The following NPFFR2 variants were observed in gnomAD, a reference collection of about 807,000 sequenced individuals.
NPFFR2 encodes the protein neuropeptide FF receptor 2.
Under a neutral mutation model 13.1 loss-of-function variants are expected in NPFFR2, and 15 were observed. The ratio of observed to expected loss-of-function variants is 1.15; its 90% CI spans 0.77 to 1.76. The LOEUF is 1.76. NPFFR2 is among the 40% of genes most tolerant of loss of function. The pLI is 0.00. For synonymous variants in NPFFR2, 190 were observed against 175.7 expected (o/e 1.08, Z -0.65); for missense variants, 572 against 503.5 (o/e 1.14, Z -1.30).
At position 72,090,029 on chromosome 4, in the gene NPFFR2, T is replaced by G. The variant is rs28769366; in HGVS notation, c.-7-38556T>G. On this transcript the variant is annotated intron_variant, in intron 1 of 3. Coordinates refer to ENST00000308744, the MANE Select transcript of NPFFR2 (RefSeq NM_004885.3). ...GTGAGAGATGAGGATCCAGTTTCAT[T>G]CTTCTACATGTGGCTTGCCAATTAT... Among the ~76,000 whole-genome samples, 1,221 of 152,234 alleles carry G rather than the reference T, an allele frequency of 8.0e-3. 8 individuals carry two copies. Among genetic ancestry groups the G allele is most frequent in the African/African-American group, 0.017 (710 of 41,564 alleles).
intron 2 of NPFFR2, among the ~76,000 whole-genome samples, chr4:72,135,663 G>T (rs999741673): frequency 2.0e-5 from 3 of 151,916 alleles, no homozygotes; most frequent in Non-Finnish European, 4.4e-5. Flanking sequence ...ATTAGTAATA[G>T]TTTTTTCTGT....
rs138740583 is a variant in NPFFR2 at position 72,126,554 on chromosome 4, A to G, written c.-7-2031A>G. Among the ~76,000 whole-genome samples the G allele has an allele frequency of 7.2e-3, 1,099 of 152,322 alleles. 24 individuals carry two copies. The highest frequency in any genetic ancestry group is 0.049 in the East Asian group (251 of 5,164). On this transcript the variant is annotated intron_variant, in intron 1 of 3. Transcript: ENST00000308744. ...GGAACTTAAATAATAAACACTTCCT[A>G]TACTGATACACAGGTTTACTTAAAT...
At position 72,147,624 on chromosome 4, in the gene NPFFR2, C is replaced by T. The variant is rs1296118754; in HGVS notation, c.1075C>T (p.Pro359Ser). Residue 359 changes from proline to serine, a missense_variant, in exon 4 of 4, where the codon CCT becomes TCT. Transcript: ENST00000308744. ...CCAGCTCTGCCAAAAAAGAGCAAAGCCTATGGAAGCTTATGCCCTAAAAGC... is the reference window on the plus strand; with the variant it reads ...CCAGCTCTGCCAAAAAAGAGCAAAGTCTATGGAAGCTTATGCCCTAAAAGC... ...QLQLCQKRAKPMEAYALKAKS... is the reference protein window; with the variant it reads ...QLQLCQKRAKSMEAYALKAKS... 1.2e-6 allele frequency: 2 copies of T among 1,614,020 alleles called. No individual in the cohort carries two copies. The highest frequency in any genetic ancestry group is 2.7e-5 in the African/African-American group (2 of 74,900).
chr4:72,130,231 G>A (rs911479766), intron 2 of NPFFR2, among the ~76,000 whole-genome samples: 1 of 152,046 alleles, frequency 6.6e-6, no homozygotes, highest in African/African-American at 2.4e-5. Context: ...TCTTAATAAA[G>A]TTCAGGGCAC....
In NPFFR2 at chr4:72,049,803, G is replaced by A. The variant is rs1044227055; in HGVS notation, c.-8+17603G>A. Among the ~76,000 whole-genome samples the A allele has an allele frequency of 7.2e-4, 109 of 151,446 alleles. 1 individual carries two copies. The highest frequency in any genetic ancestry group is 2.9e-5 in the Non-Finnish European group (2 of 67,976). ...AAACTCTTGTAAGTGCTAGTGATAA[G>A]AGCTATAGGAGCACCTTTTATTATA... is the stretch of plus-strand genomic sequence containing the variant. On this transcript the variant is annotated intron_variant, in intron 1 of 3. Transcript: ENST00000308744.
chr4:72,082,045 C>T (rs1190864929), intron 1 of NPFFR2, among the ~76,000 whole-genome samples: 5 of 152,250 alleles, frequency 3.3e-5, no homozygotes, highest in South Asian at 4.1e-4. Flanking sequence ...TTTAAGTAGA[C>T]CACATAAGTT....
chr4:72,048,692 T>A (rs957042062), intron 1 of NPFFR2, among the ~76,000 whole-genome samples: 2 of 151,922 alleles, frequency 1.3e-5, no homozygotes, highest in African/African-American at 2.4e-5. Context: ...TACTAATTTT[T>A]TTTTAATGAT....
chr4:72,138,873 T>C (rs1341179928), intron 3 of NPFFR2, among the ~76,000 whole-genome samples: 1 of 152,136 alleles, frequency 6.6e-6, no homozygotes, highest in Non-Finnish European at 1.5e-5. Flanking sequence ...TTTACACTCC[T>C]ACCAACAGTG....
intron 2 of NPFFR2, among the ~76,000 whole-genome samples, chr4:72,136,193 T>TA (rs1578479740): frequency 6.6e-6 from 1 of 152,016 alleles, no homozygotes; most frequent in African/African-American, 2.4e-5. Flanking sequence ...CCATCTCTAC[T>TA]AAAAATTTTT....
rs933476078 is a variant in NPFFR2 at position 72,121,680 on chromosome 4, C to T, written c.-7-6905C>T. Among the ~76,000 whole-genome samples the T allele has an allele frequency of 5.3e-5, 8 of 152,210 alleles. No homozygotes were observed. In the South Asian group the frequency reaches 1.7e-3, roughly 32 times the overall value. On this transcript the variant is annotated intron_variant, in intron 1 of 3. Transcript: ENST00000308744. ...TTCATAAGTGAAGGAGAAATAAAAT[C>T]CTTTACAGAGAAGCAAATGCTGAGA...
chr4:72,133,799 CT>C, intron 2 of NPFFR2, among the ~76,000 whole-genome samples: 1 of 152,106 alleles, frequency 6.6e-6, no homozygotes, highest in Non-Finnish European at 1.5e-5. Context: ...CCTGATTTGG[CT>C]CTCGGCTTGA....
intron 1 of NPFFR2, among the ~76,000 whole-genome samples, chr4:72,081,651 C>A (rs887413777): frequency 2.6e-5 from 4 of 151,966 alleles, no homozygotes; most frequent in African/African-American, 9.7e-5. Context: ...CCACACCTGG[C>A]TAATTTTTTC....
intron 1 of NPFFR2, among the ~76,000 whole-genome samples, chr4:72,069,978 T>G (rs2109782772): frequency 6.6e-6 from 1 of 152,288 alleles, no homozygotes; most frequent in Admixed American, 6.5e-5. Context: ...TCATATATTC[T>G]TTGTAACAAG....
chr4:72,050,408 C>A, intron 1 of NPFFR2, among the ~76,000 whole-genome samples: 1 of 152,052 alleles, frequency 6.6e-6, no homozygotes, highest in East Asian at 1.9e-4. Flanking sequence ...GGGGGTTGTA[C>A]GTGCTTCATT....
intron 1 of NPFFR2, among the ~76,000 whole-genome samples, chr4:72,095,134 C>T (rs1342647253): frequency 2.6e-5 from 4 of 152,010 alleles, no homozygotes; most frequent in Non-Finnish European, 5.9e-5. Flanking sequence ...ATTATGTTAA[C>T]TATAATATTA....
chr4:72,129,302 C>T (rs1355057634), intron 2 of NPFFR2, among the ~76,000 whole-genome samples: 1 of 148,950 alleles, frequency 6.7e-6, no homozygotes, highest in East Asian at 2.0e-4. Context: ...GAAAAAGACA[C>T]AGAGACAAAG....
chr4:72,132,473 C>T (rs569417034), intron 2 of NPFFR2, among the ~76,000 whole-genome samples: 2 of 152,154 alleles, frequency 1.3e-5, no homozygotes, highest in South Asian at 4.1e-4. Context: ...ATACATGTGT[C>T]TTTATAATAG....
chr4:72,082,480 A>G (rs902477034), intron 1 of NPFFR2, among the ~76,000 whole-genome samples: 4 of 151,426 alleles, frequency 2.6e-5, no homozygotes, highest in African/African-American at 9.8e-5. Context: ...CATTTTACTC[A>G]ACTTGTTTTT....
chr4:72,094,790 C>A (rs754444010), intron 1 of NPFFR2, among the ~76,000 whole-genome samples: 9 of 152,156 alleles, frequency 5.9e-5, no homozygotes, highest in Non-Finnish European at 1.0e-4. Context: ...CCCCACAGAG[C>A]CTGCAGCAAC....
Sources: allele counts gnomAD v4.1 joint callset (sites outside exome capture counted in the v4.1 genomes callset), GRCh38; gene constraint gnomAD v4.1.1; transcripts MANE v1.5; gene names NCBI Gene and HGNC (gene_info 2026-07-23, HGNC 2026-07-21).